The following FBXL17 variants were observed in gnomAD, a reference collection of about 807,000 sequenced individuals.
FBXL17 encodes F-box and leucine rich repeat protein 17.
FBXL17 carries 22 observed loss-of-function variants against 66.2 expected under a neutral mutation model. That is an observed-to-expected ratio of 0.33 (90% CI 0.24 to 0.47). The LOEUF (loss-of-function observed/expected upper bound fraction) is 0.47. Among genes scored for constraint, FBXL17 ranks in the 20% least tolerant of loss-of-function variants. FBXL17 has a pLI of 1.00. For missense variants in FBXL17, 878 were observed against 948.2 expected (o/e 0.93, Z 0.97); for synonymous variants, 474 against 400.5 (o/e 1.18, Z -2.19).
At chr5:107,898,759 G>T (rs564921594) in intron 7 of FBXL17, among the ~76,000 whole-genome samples, 24 of 152,266 alleles carry the variant, frequency 1.6e-4, no homozygotes, top group African/African-American at 5.3e-4. Context: ...CTGAGAAGAT[G>T]GTTTCCAACT....
chr5:108,100,158 T>C (rs1749545180), intron 6 of FBXL17, among the ~76,000 whole-genome samples: 1 of 152,158 alleles, frequency 6.6e-6, no homozygotes, highest in Admixed American at 6.5e-5. Flanking sequence ...AAATAGATTA[T>C]TTACAATTGT....
intron 7 of FBXL17, among the ~76,000 whole-genome samples, chr5:107,944,724 A>G (rs774443664): frequency 6.6e-6 from 1 of 152,174 alleles, no homozygotes; most frequent in Non-Finnish European, 1.5e-5. Context: ...ATTCAATTAA[A>G]TCACACTGAA....
At chr5:108,286,425 C>CA (rs1446146689) in intron 4 of FBXL17, among the ~76,000 whole-genome samples, 4 of 151,834 alleles carry the variant, frequency 2.6e-5, no homozygotes, top group Non-Finnish European at 2.9e-5. Context: ...CTTGAACTGA[C>CA]AAACAACTTG....
intron 7 of FBXL17, among the ~76,000 whole-genome samples, chr5:107,972,642 C>G (rs1752414770): frequency 6.6e-6 from 1 of 152,090 alleles, no homozygotes; most frequent in Non-Finnish European, 1.5e-5. Flanking sequence ...TATTCTTATT[C>G]TTATAAGCAT....
intron 5 of FBXL17, among the ~76,000 whole-genome samples, chr5:108,216,321 A>G (rs1425226228): frequency 3.9e-5 from 6 of 152,116 alleles, no homozygotes; most frequent in African/African-American, 4.8e-5. Flanking sequence ...TAAGATGAAT[A>G]GTGGATGCCT....
chr5:107,930,533 G>A (rs999200156), intron 7 of FBXL17, among the ~76,000 whole-genome samples: 3 of 152,158 alleles, frequency 2.0e-5, no homozygotes, highest in Non-Finnish European at 4.4e-5. Context: ...AAGTTTTCAT[G>A]AACTGCCTCT....
At chr5:107,879,892 C>T (rs1748729344) in intron 8 of FBXL17, 2 of 985,364 alleles carry the variant, frequency 2.0e-6, no homozygotes, top group African/African-American at 1.7e-5. Flanking sequence ...TGGATACAGA[C>T]TCCAAAGACC....
intron 4 of FBXL17, among the ~76,000 whole-genome samples, chr5:108,328,841 A>C (rs1358022622): frequency 6.6e-6 from 1 of 151,924 alleles, no homozygotes; most frequent in Non-Finnish European, 1.5e-5. Flanking sequence ...TAACTGACTG[A>C]AGAGATACTC....
intron 5 of FBXL17, among the ~76,000 whole-genome samples, chr5:108,222,725 G>A (rs541423082): frequency 5.7e-4 from 82 of 143,936 alleles, no homozygotes; most frequent in African/African-American, 2.0e-3. Flanking sequence ...CCGGGCTGGA[G>A]TGCAGTGGCG....
intron 6 of FBXL17, among the ~76,000 whole-genome samples, chr5:108,036,639 G>T (rs189664528): frequency 1.7e-3 from 252 of 152,130 alleles, no homozygotes; most frequent in Admixed American, 3.5e-3. Context: ...TGTGACCATT[G>T]TATGAAGTAT....
At chr5:108,182,602 T>C (rs1250865237) in intron 6 of FBXL17, among the ~76,000 whole-genome samples, 1 of 152,194 alleles carries the variant, frequency 6.6e-6, no homozygotes, top group African/African-American at 2.4e-5. Flanking sequence ...AACTTTTCCA[T>C]TAAAAACATA....
intron 3 of FBXL17, among the ~76,000 whole-genome samples, chr5:108,350,299 C>A (rs1747562237): frequency 2.6e-5 from 4 of 151,960 alleles, no homozygotes; most frequent in Admixed American, 1.3e-4. Context: ...CCTACAATGG[C>A]AAAAAAATGT....
chr5:108,226,675 T>C (rs967593423), intron 4 of FBXL17, among the ~76,000 whole-genome samples: 1 of 152,180 alleles, frequency 6.6e-6, no homozygotes, highest in African/African-American at 2.4e-5. Flanking sequence ...GCTCAATCAG[T>C]AGACTGAGTG....
intron 5 of FBXL17, among the ~76,000 whole-genome samples, chr5:108,200,201 T>C (rs984383011): frequency 6.6e-6 from 1 of 152,056 alleles, no homozygotes; most frequent in African/African-American, 2.4e-5. Context: ...AAAACATTTA[T>C]TGTAGCTTCT....
At chr5:108,135,153 A>G (rs919502923) in intron 6 of FBXL17, among the ~76,000 whole-genome samples, 1 of 148,842 alleles carries the variant, frequency 6.7e-6, no homozygotes, top group Admixed American at 6.6e-5. Context: ...ATATCATCTT[A>G]CTGCTGTGCT....
At chr5:108,154,798 C>T (rs1338445330) in intron 6 of FBXL17, among the ~76,000 whole-genome samples, 2 of 150,284 alleles carry the variant, frequency 1.3e-5, no homozygotes, top group African/African-American at 4.9e-5. Context: ...GGAGACCCAG[C>T]CAACCATTAC....
In FBXL17 at chr5:107,860,477, A is replaced by T. The variant is rs1159443804; in HGVS notation, c.*1243T>A. The stretch of plus-strand genomic sequence containing the variant: ...ATGTGTTAAATCAAAACATATATTC[A>T]TTTACTGATAGGTCTTGTCTTAACT... On this transcript the variant is annotated 3_prime_UTR_variant, in exon 9 of 9. Transcript: ENST00000542267. 1 of 152,680 alleles carries T rather than the reference A, an allele frequency of 6.5e-6. No individual in the cohort carries two copies. Among genetic ancestry groups the T allele is most frequent in the African/African-American group, 2.4e-5 (1 of 41,468 alleles). 9.5% of individuals were successfully genotyped at this position (152,680 alleles called of 1,614,324 possible). A position where few individuals can be genotyped will look rare whatever the true frequency, so the allele number is the denominator to read the frequency against.
In FBXL17 at chr5:107,971,491, T is replaced by A. The variant is rs114501276; in HGVS notation, c.1822+49434A>T. Among the ~76,000 whole-genome samples the A allele has an allele frequency of 9.6e-3, 1,458 of 152,314 alleles. 20 individuals are homozygous for A. The highest frequency in any genetic ancestry group is 0.033 in the African/African-American group (1,372 of 41,560). On this transcript the variant is annotated intron_variant, in intron 7 of 8. Transcript: ENST00000542267. ...ATACGTGTAAAACTATGCTATTTTT[T>A]ATGAGGTCCCCATCCTTTAAAAATT...
At chr5:108,280,624 A>C (rs930344602) in intron 4 of FBXL17, among the ~76,000 whole-genome samples, 1 of 152,022 alleles carries the variant, frequency 6.6e-6, no homozygotes, top group Non-Finnish European at 1.5e-5. Flanking sequence ...CAAAGAATTT[A>C]GAAAACAATT....
Sources: allele counts gnomAD v4.1 joint callset (sites outside exome capture counted in the v4.1 genomes callset), GRCh38; gene constraint gnomAD v4.1.1; transcripts MANE v1.5; gene names NCBI Gene and HGNC (gene_info 2026-07-23, HGNC 2026-07-21).